The following LRBA variants were observed in gnomAD, a reference collection of about 807,000 sequenced individuals.
LRBA encodes LPS responsive beige-like anchor protein.
LRBA carries 176 observed loss-of-function variants against 330.0 expected under a neutral mutation model. The observed-to-expected ratio is 0.53, with a 90% CI of 0.47 to 0.60. The LOEUF (loss-of-function observed/expected upper bound fraction) is 0.60, where lower values mean the gene tolerates loss of function less well. LRBA is among the 20% of genes least tolerant of loss of function. The probability of loss-of-function intolerance (pLI) is 0.00; values close to 1 mark genes in which losing one functional copy is unlikely to be tolerated. For synonymous variants in LRBA, 1,230 were observed against 1,193.0 expected (o/e 1.03, Z -0.64); for missense variants, 3,259 against 3,444.8 (o/e 0.95, Z 1.35).
intron 47 of LRBA, among the ~76,000 whole-genome samples, chr4:150,414,294 T>C (rs1223263588): frequency 1.3e-5 from 2 of 152,020 alleles, no homozygotes; most frequent in East Asian, 1.9e-4. Flanking sequence ...ATATATAGAA[T>C]GCAAAATTTC....
chr4:150,993,951 G>C (rs1353143124), intron 2 of LRBA, among the ~76,000 whole-genome samples: 5 of 151,266 alleles, frequency 3.3e-5, no homozygotes, highest in Non-Finnish European at 1.5e-5. Flanking sequence ...TGTAATCCCA[G>C]ATACTCAGTA....
At chr4:150,709,441 G>T (rs1383319575) in intron 36 of LRBA, among the ~76,000 whole-genome samples, 4 of 151,876 alleles carry the variant, frequency 2.6e-5, no homozygotes, top group Admixed American at 2.0e-4. Context: ...AATTTGAGAC[G>T]CTATTATTAA....
In LRBA at chr4:150,852,746, A is replaced by G. The variant is rs767302558; in HGVS notation, c.2964T>C (p.Asn988=). Residue 988 remains asparagine, a synonymous_variant, in exon 23 of 57, where the codon AAT becomes AAC. Coordinates refer to ENST00000651943, the MANE Select transcript of LRBA (RefSeq NM_001364905.1). ...TCTCTATACTTGAATTTTCATTACCATTTGTGGTGAAATGAGGACAGACAG... is the reference window on the plus strand; with the variant it reads ...TCTCTATACTTGAATTTTCATTACCGTTTGTGGTGAAATGAGGACAGACAG... ...DSPVCPHFTT[N]GNENSSIEKT... The G allele has an allele frequency of 3.7e-6, 6 of 1,613,792 alleles. No individual in the cohort carries two copies. The highest frequency in any genetic ancestry group is 2.2e-5 in the East Asian group (1 of 44,866).
Position 150,808,359 on chromosome 4 carries a change from G to C in LRBA, c.5345C>G (p.Thr1782Arg), listed in dbSNP as rs145849065. ...CGGATCTTGTGAAACTGAATCAACTGTTGGAACTGAGGGCAATTTTGCATT... is the reference window on the plus strand; with the variant it reads ...CGGATCTTGTGAAACTGAATCAACTCTTGGAACTGAGGGCAATTTTGCATT... ...SSNAKLPSVP[T>R]VDSVSQDPVS... Residue 1782 changes from threonine (T) to arginine (R), a missense_variant, in exon 32 of 57, where the codon ACA (threonine) becomes AGA (arginine). Thr to Arg is a moderately conservative substitution (Grantham distance 71). Transcript: ENST00000651943. 25 of 1,612,448 alleles carry C rather than the reference G, an allele frequency of 1.6e-5. No individual in the cohort carries two copies. Among genetic ancestry groups the C allele is most frequent in the Non-Finnish European group, 2.0e-5 (23 of 1,179,014 alleles).
At chr4:150,901,781 A>G (rs1182732887) in intron 13 of LRBA, among the ~76,000 whole-genome samples, 2 of 152,226 alleles carry the variant, frequency 1.3e-5, no homozygotes, top group African/African-American at 2.4e-5. Flanking sequence ...ATCTATACAC[A>G]TACAATACAT....
intron 34 of LRBA, among the ~76,000 whole-genome samples, chr4:150,786,307 G>C (rs1044123422): frequency 2.1e-5 from 3 of 144,046 alleles, no homozygotes; most frequent in South Asian, 4.4e-4. Context: ...CCAATGGCAT[G>C]ATCTCAGCTC....
At chr4:150,896,309 G>T (rs1730078605) in intron 16 of LRBA, 85 bp downstream of exon 16, 2 of 687,556 alleles carry the variant, frequency 2.9e-6, no homozygotes, top group Non-Finnish European at 5.0e-6. Context: ...CATAATTACT[G>T]AAGATTTCTT....
intron 46 of LRBA, among the ~76,000 whole-genome samples, chr4:150,417,498 T>G (rs555065003): frequency 9.3e-4 from 142 of 152,302 alleles, no homozygotes; most frequent in Admixed American, 2.3e-3. Context: ...AAAAGCAGCA[T>G]TTGCTTAATT....
intron 2 of LRBA, among the ~76,000 whole-genome samples, chr4:150,933,562 G>T (rs1734742058): frequency 1.3e-5 from 2 of 152,090 alleles, no homozygotes; most frequent in South Asian, 4.1e-4. Context: ...CTATGCATGT[G>T]CTAAATATGT....
intron 35 of LRBA, among the ~76,000 whole-genome samples, chr4:150,759,425 C>T (rs1376775617): frequency 6.6e-6 from 1 of 152,174 alleles, no homozygotes; most frequent in Non-Finnish European, 1.5e-5. Context: ...ACCACAGAAG[C>T]TCTCACTTGT....
At chr4:150,835,169 T>C (rs1451631844) in intron 28 of LRBA, among the ~76,000 whole-genome samples, 2 of 152,230 alleles carry the variant, frequency 1.3e-5, no homozygotes, top group Non-Finnish European at 2.9e-5. Context: ...TCTATATCTC[T>C]GTTTTCATAC....
At chr4:150,412,914 A>T (rs1747213886) in intron 47 of LRBA, among the ~76,000 whole-genome samples, 1 of 151,540 alleles carries the variant, frequency 6.6e-6, no homozygotes, top group South Asian at 2.1e-4. Flanking sequence ...AAAAGACACC[A>T]TTAAAAAATA....
chr4:150,867,570 CT>C, intron 22 of LRBA, 100 bp downstream of exon 22: 4 of 855,796 alleles, frequency 4.7e-6, no homozygotes, highest in African/African-American at 1.8e-5. Context: ...GATAACTTGC[CT>C]TTTTTCCTTG....
intron 38 of LRBA, among the ~76,000 whole-genome samples, chr4:150,593,275 AAAT>A (rs1269124273): frequency 1.3e-5 from 2 of 152,338 alleles, no homozygotes; most frequent in Middle Eastern, 3.4e-3. Flanking sequence ...TTCAAAGCAG[AAAT>A]AATAATAAGG....
At chr4:150,408,218 T>C (rs1746470469) in intron 47 of LRBA, among the ~76,000 whole-genome samples, 3 of 152,150 alleles carry the variant, frequency 2.0e-5, no homozygotes, top group Middle Eastern at 6.8e-3. Flanking sequence ...GGTAATATCA[T>C]TACTAACCTT....
chr4:150,422,960 G>A, intron 46 of LRBA: 1 of 781,538 alleles, frequency 1.3e-6, no homozygotes, highest in Non-Finnish European at 2.4e-6. Context: ...ACGTTCCCTA[G>A]CCCTGAGAAG....
chr4:150,925,572 G>A (rs997521952), intron 4 of LRBA, among the ~76,000 whole-genome samples: 2 of 152,138 alleles, frequency 1.3e-5, no homozygotes, highest in African/African-American at 4.8e-5. Flanking sequence ...AACTATACTT[G>A]CCATTTTCCA....
chr4:150,579,054 A>G, intron 40 of LRBA: 1 of 338,668 alleles, frequency 3.0e-6, no homozygotes, highest in Non-Finnish European at 5.8e-6. Flanking sequence ...TTATAACAAG[A>G]GAATACAGAT....
intron 37 of LRBA, among the ~76,000 whole-genome samples, chr4:150,669,175 G>A (rs1781829963): frequency 6.6e-6 from 1 of 152,114 alleles, no homozygotes; most frequent in Non-Finnish European, 1.5e-5. Context: ...ATAGTTTCAT[G>A]CATATGCAAT....
Sources: allele counts gnomAD v4.1 joint callset (sites outside exome capture counted in the v4.1 genomes callset), GRCh38; gene constraint gnomAD v4.1.1; transcripts MANE v1.5; gene names NCBI Gene and HGNC (gene_info 2026-07-23, HGNC 2026-07-21).